PKMYT1: variants seen among roughly 807,000 people sequenced by gnomAD.
PKMYT1 encodes protein kinase, membrane associated tyrosine/threonine 1, also known as membrane-associated tyrosine- and threonine-specific cdc2-inhibitory kinase.
In PKMYT1, 35 loss-of-function variants were observed where a neutral mutation model predicts 49.7. That is an observed-to-expected ratio of 0.70 (90% CI 0.54 to 0.93). The LOEUF (loss-of-function observed/expected upper bound fraction) is 0.93, where lower values mean the gene tolerates loss of function less well. Ranked by LOEUF, PKMYT1 falls within the 40% of genes least tolerant of loss-of-function variation. The pLI is 0.00. For synonymous variants in PKMYT1, 331 were observed against 287.6 expected (o/e 1.15, Z -1.53); for missense variants, 677 against 673.1 (o/e 1.01, Z -0.06).
intron 6 of PKMYT1, 25 bp from the exon 7 acceptor site, chr16:2,974,182 G>A: frequency 6.3e-7 from 1 of 1,581,076 alleles, no homozygotes; most frequent in Non-Finnish European, 8.6e-7. Flanking sequence ...AGCTCAGGAT[G>A]TGGGTGGGCG....
intron 8 of PKMYT1, 31 bp downstream of exon 8, chr16:2,973,107 C>G (rs376037255): frequency 1.1e-5 from 17 of 1,566,114 alleles, no homozygotes; most frequent in Non-Finnish European, 1.5e-5. Context: ...AAAAGCTAGC[C>G]CTGCCCACCC....
chr16:2,977,544 C>A, intron 2 of PKMYT1: 1 of 947,924 alleles, frequency 1.1e-6, no homozygotes, highest in Non-Finnish European at 1.3e-6. Context: ...GCTCCGTGGA[C>A]CCCTGCCCCA....
At chr16:2,977,225 G>C (rs1022184827) in intron 2 of PKMYT1, 194 bp from the exon 3 acceptor site, 3 of 1,406,602 alleles carry the variant, frequency 2.1e-6, no homozygotes, top group African/African-American at 2.9e-5. Context: ...TGCCCACCAG[G>C]CTGTTGTATT....
At position 2,975,455 on chromosome 16, in the gene PKMYT1, G is replaced by C; in HGVS notation, c.736C>G (p.Arg246Gly). ...PANIFLGPRG[R>G]CKLGDFGLLV... ...AGTCCGAAGTCACCCAGCTTGCAGC[G>C]GCCCCGGGGCCCCAGGAAGATGTTG... The change falls in exon 4 of 9, where the codon CGC becomes GGC. Residue 246 changes from arginine (R) to glycine (G), a missense_variant. Arg to Gly is a moderately radical substitution (Grantham distance 125). Transcript: ENST00000262300. The C allele has an allele frequency of 6.2e-7, 1 of 1,613,158 alleles. No individual in the cohort carries two copies. The highest frequency in any genetic ancestry group is 8.5e-7 in the Non-Finnish European group (1 of 1,179,984).
In PKMYT1 at chr16:2,976,983, G is replaced by A; in HGVS notation, c.59C>T (p.Pro20Leu). The change falls in exon 3 of 9, where the codon CCT becomes CTT. Residue 20 changes from proline to leucine, a missense_variant. Transcript: ENST00000262300. ...MPMPTEGTPPPLSGTPIPVPA... is the reference protein window; with the variant it reads ...MPMPTEGTPPLLSGTPIPVPA... ...GACTGGGATGGGGGTGCCACTCAGA[G>A]GTGGCGGGGTGCCCTCCGTGGGCAT... 1.9e-6 allele frequency: 3 copies of A among 1,565,446 alleles called. No individual in the cohort carries two copies. The highest frequency in any genetic ancestry group is 2.6e-6 in the Non-Finnish European group (3 of 1,155,992).
rs201597909 is a variant in PKMYT1, at chr16:2,974,399, C to T, written c.998G>A (p.Arg333His). The change falls in exon 6 of 9, where the codon CGT (arginine) becomes CAT (histidine). Residue 333 changes from arginine (R) to histidine (H), a missense_variant. Coordinates refer to ENST00000262300, the MANE Select transcript of PKMYT1 (RefSeq NM_004203.5). ...CTCCAGCATCATGACAAGGACAGAA[C>T]GCAGCTCGGAAGACAGACCTGCCCA... is the stretch of plus-strand genomic sequence containing the variant. The part of the protein sequence containing the change: ...EFTAGLSSEL[R>H]SVLVMMLEPD... The T allele has an allele frequency of 1.9e-5, 30 of 1,610,296 alleles. No individual in the cohort carries two copies. Among genetic ancestry groups the T allele is most frequent in the Middle Eastern group, 1.7e-4 (1 of 6,048 alleles).
chr16:2,977,138 C>T, intron 2 of PKMYT1, 107 bp from the exon 3 acceptor site: 1 of 1,530,290 alleles, frequency 6.5e-7, no homozygotes, highest in Non-Finnish European at 8.7e-7. Flanking sequence ...CTATACCACA[C>T]ACTTATTCTA....
At chr16:2,973,250 A>C (rs1157155584) in intron 7 of PKMYT1, 35 bp from the exon 8 acceptor site, 1 of 1,476,474 alleles carries the variant, frequency 6.8e-7, no homozygotes, top group East Asian at 2.4e-5. Flanking sequence ...GAGGGTGTCC[A>C]GGGCTAGGGA....
At chr16:2,973,691 C>A in intron 7 of PKMYT1, 2 of 478,488 alleles carry the variant, frequency 4.2e-6, no homozygotes, top group Non-Finnish European at 7.5e-6. Flanking sequence ...GAGGCTTTCT[C>A]TTCCCAGAGA....
At chr16:2,977,145 T>G (rs1248872220) in intron 2 of PKMYT1, 114 bp from the exon 3 acceptor site, 2 of 1,520,986 alleles carry the variant, frequency 1.3e-6, no homozygotes, top group African/African-American at 2.8e-5. Context: ...ACACACTTAT[T>G]CTACTTTAAA....
At chr16:2,979,597 G>C (rs1016184912) in intron 2 of PKMYT1, 51 bp downstream of exon 2, 8 of 1,446,618 alleles carry the variant, frequency 5.5e-6, no homozygotes, top group Non-Finnish European at 7.8e-6. Context: ...CGGGGACCTG[G>C]GCCTGTGCAT....
rs370559367 is a variant in PKMYT1 at position 2,973,266 on chromosome 16, G to A, written c.1311-51C>T. On this transcript the variant is annotated intron_variant, in intron 7 of 8. Coordinates refer to ENST00000262300, the MANE Select transcript of PKMYT1 (RefSeq NM_004203.5). ...AGGGTGTCCAGGGCTAGGGAGTGCC[G>A]GATGAAACCAGCTCTGTCCCTGTGC... is the stretch of plus-strand genomic sequence containing the variant. 102 of 1,483,750 alleles carry A rather than the reference G, an allele frequency of 6.9e-5. No homozygotes were observed. The African/African-American group carries it at 8.1e-4, about 12-fold the overall frequency. The allele number at this position is 1,483,750 out of a possible 1,614,324, so 91.9% of individuals were successfully genotyped here.
At chr16:2,979,069 CT>C (rs2072273400) in intron 2 of PKMYT1, among the ~76,000 whole-genome samples, 1 of 150,574 alleles carries the variant, frequency 6.6e-6, no homozygotes, top group African/African-American at 2.4e-5. Flanking sequence ...GGTGTGGTGG[CT>C]CACGCCTGTA....
In PKMYT1 at chr16:2,976,699, G is replaced by A. The variant is rs747195888; in HGVS notation, c.343C>T (p.Arg115Cys). 6.7e-6 allele frequency: 10 copies of A among 1,487,678 alleles called. No homozygotes were observed. The highest frequency in any genetic ancestry group is 1.8e-4 in the Middle Eastern group (1 of 5,494). The allele number at this position is 1,487,678 out of a possible 1,614,324, so 92.2% of individuals were successfully genotyped here. ...FFQQSFQRLS[R>C]LGHGSYGEVF... is the part of the protein sequence containing the mutation. ...TCTCCGTAGGAGCCATGGCCCAGGC[G>A]GCTGAGCCTCTGGAAGCTCTGCTGG... Residue 115 changes from arginine (R) to cysteine (C), a missense_variant, in exon 3 of 9, where the codon CGC becomes TGC. Physicochemically the swap from Arg to Cys is radical, Grantham distance 180. Coordinates refer to ENST00000262300, the MANE Select transcript of PKMYT1 (RefSeq NM_004203.5).
chr16:2,973,067 G>T lies in PKMYT1; in HGVS notation c.1389-3C>A. 1 of 1,597,532 alleles carries T rather than the reference G, an allele frequency of 6.3e-7. No homozygotes were observed. ...TGTCACTTAGGTCCAGGGCATCCCT[G>T]GGAGGAGAGAGTAGTGACACTCAGG... On this transcript the variant is annotated splice_polypyrimidine_tract_variant and splice_region_variant and intron_variant, in intron 8 of 8. Coordinates refer to ENST00000262300, the MANE Select transcript of PKMYT1 (RefSeq NM_004203.5).
chr16:2,974,018 C>T lies in PKMYT1; in HGVS notation c.1292G>A (p.Trp431Ter), dbSNP rs984308170. The change falls in exon 7 of 9, where the codon TGG becomes TAG. Residue 431 changes from tryptophan (W) to a stop codon, truncating the protein, a stop_gained. Coordinates refer to ENST00000262300, the MANE Select transcript of PKMYT1 (RefSeq NM_004203.5). LOFTEE classifies it high-confidence loss of function. ...AACCCACCCTAGGCTGTCGTCATCCCAGTTGCTGGAGAGGCTGCTGTCCAG... is the reference window on the plus strand; with the variant it reads ...AACCCACCCTAGGCTGTCGTCATCCTAGTTGCTGGAGAGGCTGCTGTCCAG... The part of the protein sequence containing the change: ...LLLDSSLSSN[W>*]DDDSLGPSLS... 1.9e-6 allele frequency: 3 copies of T among 1,612,864 alleles called. No homozygotes were observed. The highest frequency in any genetic ancestry group is 1.7e-5 in the Admixed American group (1 of 59,998).
intron 4 of PKMYT1, 73 bp from the exon 5 acceptor site, chr16:2,974,729 C>G: frequency 1.0e-6 from 1 of 993,506 alleles, no homozygotes; most frequent in African/African-American, 1.6e-5. Context: ...AGGGCTGCCT[C>G]TTGGAGGTGG....
At chr16:2,974,779 G>A (rs998594236) in intron 4 of PKMYT1, 123 bp from the exon 5 acceptor site, 18 of 641,922 alleles carry the variant, frequency 2.8e-5, no homozygotes, top group East Asian at 1.6e-4. Context: ...AGGGAGGGGC[G>A]GAAGCAGGGG....
chr16:2,973,703 G>T, intron 7 of PKMYT1: 1 of 503,224 alleles, frequency 2.0e-6, no homozygotes, highest in Non-Finnish European at 3.6e-6. Context: ...TCCCAGAGAA[G>T]GGACAATGTT....
Sources: gnomAD v4.1 joint callset for allele counts (sites outside exome capture counted in the v4.1 genomes callset) on GRCh38, gnomAD v4.1.1 for gene constraint, MANE v1.5 for transcripts, NCBI Gene and HGNC (gene_info 2026-07-23, HGNC 2026-07-21) for gene names.